GRIP1: variants seen among roughly 807,000 people sequenced by gnomAD.
The protein encoded by GRIP1 is glutamate receptor interacting protein 1.
GRIP1 carries 45 observed loss-of-function variants against 129.9 expected under a neutral mutation model. That is an observed-to-expected ratio of 0.35 (90% confidence interval 0.27 to 0.44). GRIP1 has a LOEUF of 0.44. Among genes scored for constraint, GRIP1 ranks in the 20% least tolerant of loss-of-function variants. The pLI is 1.00. For synonymous variants in GRIP1, 530 were observed against 520.8 expected, an observed-to-expected ratio of 1.02 and a Z score of -0.24; for missense variants, 1,196 against 1,396.8, an observed-to-expected ratio of 0.86 and a Z score of 2.29.
intron 1 of GRIP1, among the ~76,000 whole-genome samples, chr12:66,833,315 A>G (rs895049195): frequency 1.3e-5 from 2 of 152,132 alleles, no homozygotes; most frequent in African/African-American, 2.4e-5. Context: ...ATGAGGTTGA[A>G]TTTGCTTTTC....
intron 24 of GRIP1, 89 bp from the exon 25 acceptor site, chr12:66,349,335 T>G: frequency 9.7e-7 from 1 of 1,029,076 alleles, no homozygotes; most frequent in Non-Finnish European, 1.5e-6. Context: ...ACAAGTTGTT[T>G]GAAGTCATGA....
chr12:66,570,172 G>A (rs542419462), intron 2 of GRIP1, among the ~76,000 whole-genome samples: 10 of 152,244 alleles, frequency 6.6e-5, no homozygotes, highest in Admixed American at 2.6e-4. Flanking sequence ...AGGCTGGAGT[G>A]CACTGGTATG....
chr12:66,748,781 T>C (rs562822134), intron 1 of GRIP1, among the ~76,000 whole-genome samples: 1 of 152,332 alleles, frequency 6.6e-6, no homozygotes, highest in South Asian at 2.1e-4. Flanking sequence ...TGAGTTTATC[T>C]TTTCAGATTC....
chr12:66,705,495 G>A (rs1187419997), intron 1 of GRIP1, among the ~76,000 whole-genome samples: 3 of 152,118 alleles, frequency 2.0e-5, no homozygotes, highest in Admixed American at 1.3e-4. Context: ...GCAATTCATA[G>A]ATTCAATGCT....
At chr12:66,651,648 C>T (rs1438440268) in intron 1 of GRIP1, among the ~76,000 whole-genome samples, 1 of 152,066 alleles carries the variant, frequency 6.6e-6, no homozygotes, top group Admixed American at 6.5e-5. Context: ...TATCTGTAGG[C>T]CTATAACTGT....
intron 1 of GRIP1, among the ~76,000 whole-genome samples, chr12:66,627,129 G>A (rs1377727066): frequency 6.6e-6 from 1 of 152,150 alleles, no homozygotes; most frequent in Non-Finnish European, 1.5e-5. Flanking sequence ...ATCAGTCAAG[G>A]TAGCTCACAC....
intron 1 of GRIP1, among the ~76,000 whole-genome samples, chr12:67,017,211 T>C (rs566330369): frequency 1.6e-4 from 25 of 152,022 alleles, no homozygotes; most frequent in African/African-American, 5.5e-4. Context: ...GGAAAGATTG[T>C]TCCTGAATAG....
Position 66,535,599 on chromosome 12 carries a change from T to C in GRIP1, c.418+3479A>G, listed in dbSNP as rs562970847. ...AAGACAGAAATGAGCAAAGCTGCCA[T>C]GTAACTGCTGACACAGTCTAAGCCT... On this transcript the variant is annotated intron_variant, in intron 4 of 24. Coordinates refer to ENST00000359742, the MANE Select transcript of GRIP1 (RefSeq NM_001366722.1). Among the ~76,000 whole-genome samples, 60 of 152,308 alleles carry C rather than the reference T, an allele frequency of 3.9e-4. 1 individual carries two copies. The South Asian group carries it at 6.9e-3, about 17-fold the overall frequency.
chr12:66,905,790 C>G (rs772769306), intron 1 of GRIP1, among the ~76,000 whole-genome samples: 2 of 152,152 alleles, frequency 1.3e-5, no homozygotes, highest in Admixed American at 1.3e-4. Flanking sequence ...GAGGATTTTA[C>G]AAGAGTTTCT....
Position 66,444,739 on chromosome 12 carries a change from AAC to A in GRIP1, c.1542-12_1542-11del. The A allele has an allele frequency of 6.2e-7, 1 of 1,613,876 alleles. No individual in the cohort carries two copies. Among genetic ancestry groups the A allele is most frequent in the Non-Finnish European group, 8.5e-7 (1 of 1,179,746 alleles). On this transcript the variant is annotated splice_polypyrimidine_tract_variant and intron_variant, in intron 12 of 24. Coordinates refer to ENST00000359742, the MANE Select transcript of GRIP1 (RefSeq NM_001366722.1). ...CTGTAGCACCCCACATCTAATTTAG[AAC>A]CACATGTGAGAGGTTGTAGATGGAG...
intron 1 of GRIP1, among the ~76,000 whole-genome samples, chr12:67,048,639 C>T (rs183837167): frequency 0.011 from 1,614 of 152,158 alleles, 34 homozygotes; most frequent in African/African-American, 0.036. Flanking sequence ...ACTCAAATTT[C>T]ATCCTGAGTT....
intron 1 of GRIP1, among the ~76,000 whole-genome samples, chr12:67,060,379 G>A (rs998266824): frequency 2.0e-5 from 3 of 152,138 alleles, no homozygotes; most frequent in African/African-American, 7.2e-5. Context: ...TGAAATCAAT[G>A]TTGTTAATTT....
chr12:66,351,777 A>AACC (rs2054237528), intron 24 of GRIP1, among the ~76,000 whole-genome samples: 1 of 152,088 alleles, frequency 6.6e-6, no homozygotes, highest in African/African-American at 2.4e-5. Context: ...GAGTCCTCTA[A>AACC]ACTAGTGGTT....
chr12:66,696,622 A>G (rs552890364), intron 1 of GRIP1, among the ~76,000 whole-genome samples: 11 of 151,866 alleles, frequency 7.2e-5, no homozygotes, highest in African/African-American at 2.2e-4. Flanking sequence ...CTCTACTAAA[A>G]AAAACAAAAA....
intron 15 of GRIP1, among the ~76,000 whole-genome samples, chr12:66,408,426 C>T (rs61925914): frequency 6.6e-6 from 1 of 152,092 alleles, no homozygotes; most frequent in Admixed American, 6.6e-5. Context: ...TTGCAGTGAG[C>T]CGATTGCACC....
chr12:66,587,401 ACT>A (rs747210904), intron 2 of GRIP1, among the ~76,000 whole-genome samples: 1 of 151,892 alleles, frequency 6.6e-6, no homozygotes, highest in Non-Finnish European at 1.5e-5. Context: ...CTGCTCCCAC[ACT>A]CTCTACTGTT....
At chr12:66,775,243 A>C (rs1312919027) in intron 1 of GRIP1, among the ~76,000 whole-genome samples, 1 of 152,212 alleles carries the variant, frequency 6.6e-6, no homozygotes, top group African/African-American at 2.4e-5. Context: ...AAAGCCTGAA[A>C]AACAAGCTGA....
At chr12:66,861,968 C>T (rs1207752874) in intron 1 of GRIP1, among the ~76,000 whole-genome samples, 1 of 152,018 alleles carries the variant, frequency 6.6e-6, no homozygotes, top group African/African-American at 2.4e-5. Context: ...TGAATTAGTA[C>T]TCAGTCTAGT....
At chr12:66,814,726 C>T (rs1317039877) in intron 1 of GRIP1, among the ~76,000 whole-genome samples, 4 of 151,730 alleles carry the variant, frequency 2.6e-5, no homozygotes, top group African/African-American at 9.7e-5. Context: ...TGAAGAAATA[C>T]CCGAGACTAT....
Sources: allele counts gnomAD v4.1 joint callset (sites outside exome capture counted in the v4.1 genomes callset), GRCh38; gene constraint gnomAD v4.1.1; transcripts MANE v1.5; gene names NCBI Gene and HGNC (gene_info 2026-07-23, HGNC 2026-07-21).